Variants in TGFBRAP1 observed in about 807,000 individuals in gnomAD.
TGFBRAP1 encodes transforming growth factor beta receptor associated protein 1, also known as transforming growth factor-beta receptor-associated protein 1.
Under a neutral mutation model 83.2 loss-of-function variants are expected in TGFBRAP1, and 20 were observed. The observed-to-expected ratio is 0.24, with a 90% confidence interval of 0.17 to 0.35. The LOEUF is 0.35. Among genes scored for constraint, TGFBRAP1 ranks in the 10% least tolerant of loss-of-function variants. The probability of loss-of-function intolerance (pLI) is 1.00; values close to 1 mark genes in which losing one functional copy is unlikely to be tolerated. For missense variants in TGFBRAP1, 950 were observed against 1,099.4 expected (o/e 0.86, Z 1.92); for synonymous variants, 415 against 459.8 (o/e 0.90, Z 1.25).
the TGFBRAP1 span, among the ~76,000 whole-genome samples, chr2:105,256,057 T>C: frequency 2.0e-5 from 3 of 152,232 alleles, no homozygotes; most frequent in Non-Finnish European, 4.4e-5. Context: ...CAAAGTATTC[T>C]ATGATGAGCT....
chr2:105,297,864 C>G (rs1347359711), intron 3 of TGFBRAP1, among the ~76,000 whole-genome samples: 1 of 152,224 alleles, frequency 6.6e-6, no homozygotes, highest in African/African-American at 2.4e-5. Flanking sequence ...AGCGTTGAAT[C>G]TAGGTGAAAG....
intron 2 of TGFBRAP1, among the ~76,000 whole-genome samples, chr2:105,300,355 C>T (rs1678241971): frequency 6.6e-6 from 1 of 151,516 alleles, no homozygotes; most frequent in Non-Finnish European, 1.5e-5. Context: ...AGCTGAGACA[C>T]AGTGCATCAT....
the TGFBRAP1 span, among the ~76,000 whole-genome samples, chr2:105,250,100 C>T: frequency 6.6e-6 from 1 of 152,158 alleles, no homozygotes; most frequent in Non-Finnish European, 1.5e-5. Context: ...GGAGAGGTGC[C>T]AGCGATTGCC....
chr2:105,275,752 C>T (rs763167843), intron 7 of TGFBRAP1, 49 bp from the exon 8 acceptor site: 42 of 1,555,012 alleles, frequency 2.7e-5, no homozygotes, highest in Non-Finnish European at 3.7e-5. Flanking sequence ...AAAAAACAAT[C>T]ATAAAGGCAC....
chr2:105,308,533 C>T (rs1308588130), intron 1 of TGFBRAP1, among the ~76,000 whole-genome samples: 1 of 152,192 alleles, frequency 6.6e-6, no homozygotes, highest in Non-Finnish European at 1.5e-5. Context: ...CACACACACA[C>T]ACCCATATAC....
At chr2:105,255,788 C>T in the TGFBRAP1 span, among the ~76,000 whole-genome samples, 1 of 152,144 alleles carries the variant, frequency 6.6e-6, no homozygotes, top group Non-Finnish European at 1.5e-5. Context: ...ATCAAACCAG[C>T]CAATCCTAAG....
intron 4 of TGFBRAP1, among the ~76,000 whole-genome samples, chr2:105,288,174 T>C (rs1468814052): frequency 6.6e-6 from 1 of 152,212 alleles, no homozygotes; most frequent in African/African-American, 2.4e-5. Context: ...TTGAGAAAGA[T>C]GACAACCACA....
At chr2:105,299,390 A>G (rs1249450526) in intron 2 of TGFBRAP1, among the ~76,000 whole-genome samples, 1 of 152,188 alleles carries the variant, frequency 6.6e-6, no homozygotes, top group Non-Finnish European at 1.5e-5. Context: ...AGTGACTTTC[A>G]AATAGGGCGT....
In TGFBRAP1 at chr2:105,280,636, A is replaced by C; in HGVS notation, c.1209T>G (p.Pro403=). 1 of 1,614,150 alleles carries C rather than the reference A, an allele frequency of 6.2e-7. No homozygotes were observed. Among genetic ancestry groups the C allele is most frequent in the Non-Finnish European group, 8.5e-7 (1 of 1,180,006 alleles). Residue 403 remains proline, a synonymous_variant, in exon 6 of 12, where the codon CCT becomes CCG. Coordinates refer to ENST00000393359, the MANE Select transcript of TGFBRAP1 (RefSeq NM_004257.6). ...GGTTCAGGTCTGCGTACTCATGAAG[A>C]GGAGGGTGGGACCGGGTGAAGGAGG... ...TSSSFTRSHP[P]LHEYADLNQL...
At chr2:105,267,666 T>C in intron 11 of TGFBRAP1, 107 bp from the exon 12 acceptor site, 17 of 1,516,324 alleles carry the variant, frequency 1.1e-5, no homozygotes, top group East Asian at 2.3e-5. Flanking sequence ...TGGGTTATTA[T>C]TATGATGAGG....
At chr2:105,254,083 A>G in the TGFBRAP1 span, among the ~76,000 whole-genome samples, 1 of 150,316 alleles carries the variant, frequency 6.7e-6, no homozygotes, top group South Asian at 2.1e-4. Flanking sequence ...ATTTTTTACC[A>G]TTTAAACAAA....
intron 4 of TGFBRAP1, among the ~76,000 whole-genome samples, chr2:105,287,339 T>A (rs1024039669): frequency 3.3e-5 from 5 of 152,184 alleles, no homozygotes; most frequent in Admixed American, 6.5e-5. Flanking sequence ...CACTTAAAAA[T>A]AGTTAAAATG....
In TGFBRAP1 at chr2:105,296,756, C is replaced by CTTTTTTTTTTTTT. The variant is rs60031957; in HGVS notation, c.884-259_884-247dup. The stretch of plus-strand genomic sequence containing the variant: ...ATAATATCTTGCTTTCTTTTTTTGC[C>CTTTTTTTTTTTTT]TTTTTTTTTTTTTTTTTTTTTTTTT... On this transcript the variant is annotated intron_variant, in intron 3 of 11. Transcript: ENST00000393359. Among the ~76,000 whole-genome samples the CTTTTTTTTTTTTT allele has an allele frequency of 2.9e-4, 21 of 73,230 alleles. 2 individuals are homozygous for CTTTTTTTTTTTTT. Among genetic ancestry groups the CTTTTTTTTTTTTT allele is most frequent in the Non-Finnish European group, 4.4e-4 (17 of 38,972 alleles). The allele number at this position is 73,230 out of a possible 152,430, so 48.0% of individuals were successfully genotyped here.
chr2:105,253,287 G>A, the TGFBRAP1 span, among the ~76,000 whole-genome samples: 1 of 151,978 alleles, frequency 6.6e-6, no homozygotes, highest in African/African-American at 2.4e-5. Flanking sequence ...CATGTGCCAT[G>A]ACACCTGGCT....
chr2:105,269,134 T>G lies in TGFBRAP1; in HGVS notation c.2406+138A>C, dbSNP rs942209038. ...TCACACAGACCTCAGTTTCTATGAG[T>G]AGGATCAGATATTGATGTGTTGTAG... is the stretch of plus-strand genomic sequence containing the variant. On this transcript the variant is annotated intron_variant, in intron 11 of 11. Transcript: ENST00000393359. This position sits in a 1 kb window ranked among gnomAD's most constrained non-coding sequence, Gnocchi z 4.1. 1 of 1,137,746 alleles carries G rather than the reference T, an allele frequency of 8.8e-7. No individual in the cohort carries two copies. Among genetic ancestry groups the G allele is most frequent in the East Asian group, 2.6e-5 (1 of 37,836 alleles). The allele number at this position is 1,137,746 out of a possible 1,614,324, so 70.5% of individuals were successfully genotyped here.
intron 2 of TGFBRAP1, among the ~76,000 whole-genome samples, chr2:105,307,072 G>A (rs1440710083): frequency 1.3e-5 from 2 of 152,132 alleles, no homozygotes; most frequent in Non-Finnish European, 2.9e-5. Flanking sequence ...ACTTAAGGCA[G>A]AAGCGGGAAA....
the TGFBRAP1 span, among the ~76,000 whole-genome samples, chr2:105,251,792 G>A: frequency 1.3e-5 from 2 of 148,762 alleles, no homozygotes; most frequent in African/African-American, 2.5e-5. Context: ...CATTTTGTTC[G>A]GTACTAAGAA....
At chr2:105,255,824 C>T in the TGFBRAP1 span, among the ~76,000 whole-genome samples, 1 of 152,158 alleles carries the variant, frequency 6.6e-6, no homozygotes, top group Non-Finnish European at 1.5e-5. Flanking sequence ...TCTCCCATTC[C>T]TTCCCATGGA....
At chr2:105,286,219 G>A (rs998703373) in intron 4 of TGFBRAP1, among the ~76,000 whole-genome samples, 3 of 152,178 alleles carry the variant, frequency 2.0e-5, no homozygotes, top group Admixed American at 6.5e-5. Context: ...TGCACACTTG[G>A]AAGGGGAATG....
Sources: allele counts gnomAD v4.1 joint callset (sites outside exome capture counted in the v4.1 genomes callset), GRCh38; gene constraint gnomAD v4.1.1; non-coding constraint Gnocchi (gnomAD v3.1); transcripts MANE v1.5; gene names NCBI Gene and HGNC (gene_info 2026-07-23, HGNC 2026-07-21).